Variants in ANKRD31 observed in about 807,000 individuals in gnomAD.
ANKRD31 encodes ankyrin repeat domain-containing protein 31.
In ANKRD31, 147 loss-of-function variants were observed where a neutral mutation model predicts 186.0. The ratio of observed to expected loss-of-function variants is 0.79; its 90% confidence interval spans 0.69 to 0.91. The LOEUF (loss-of-function observed/expected upper bound fraction) is 0.91. Ranked by LOEUF, ANKRD31 falls within the 40% of genes least tolerant of loss-of-function variation. The probability of loss-of-function intolerance (pLI) is 0.00; values close to 1 mark genes in which losing one functional copy is unlikely to be tolerated. For missense variants in ANKRD31, 1,986 were observed against 2,148.8 expected (o/e 0.92, Z 1.50); for synonymous variants, 673 against 736.4 (o/e 0.91, Z 1.39).
In ANKRD31 at chr5:75,068,496, T is replaced by C. The variant is rs942775981; in HGVS notation, c.*23A>G. ...GTTGGTAATTTGAACAAATATCCAA[T>C]AAAATATTAAGAAACCAAGGTTTTA... On this transcript the variant is annotated 3_prime_UTR_variant, in exon 26 of 26. Coordinates refer to ENST00000506364, the MANE Select transcript of ANKRD31 (RefSeq NM_001372053.1). 10 of 1,450,880 alleles carry C rather than the reference T, an allele frequency of 6.9e-6. No individual in the cohort carries two copies. The highest frequency in any genetic ancestry group is 9.0e-7 in the Non-Finnish European group (1 of 1,107,474). The allele number at this position is 1,450,880 out of a possible 1,614,324, so 89.9% of individuals were successfully genotyped here. A position where few individuals can be genotyped will look rare whatever the true frequency, so the allele number is the denominator to read the frequency against.
intron 1 of ANKRD31, among the ~76,000 whole-genome samples, 179 bp downstream of exon 1, chr5:75,236,404 A>C (rs1758276847): frequency 6.6e-6 from 1 of 152,236 alleles, no homozygotes; most frequent in South Asian, 2.1e-4. Flanking sequence ...AGGTGGGAAC[A>C]GACTGTGTTT....
chr5:75,106,226 C>T (rs1212876577), intron 21 of ANKRD31, among the ~76,000 whole-genome samples: 1 of 152,064 alleles, frequency 6.6e-6, no homozygotes, highest in Non-Finnish European at 1.5e-5. Flanking sequence ...TAACATCTTA[C>T]TATTATTATT....
At chr5:75,074,585 T>A (rs551117984) in intron 25 of ANKRD31, among the ~76,000 whole-genome samples, 1 of 152,314 alleles carries the variant, frequency 6.6e-6, no homozygotes, top group Admixed American at 6.5e-5. Flanking sequence ...AATCCCCAAC[T>A]GAGCCAAATA....
intron 10 of ANKRD31, among the ~76,000 whole-genome samples, chr5:75,186,563 A>AAAAAAAAT (rs1754726474): frequency 6.6e-6 from 1 of 152,210 alleles, no homozygotes; most frequent in Non-Finnish European, 1.5e-5. Flanking sequence ...AGTTCTGCAT[A>AAAAAAAAT]AAATAAAGCT....
intron 23 of ANKRD31, among the ~76,000 whole-genome samples, chr5:75,088,203 T>G (rs1414762408): frequency 1.3e-5 from 2 of 152,242 alleles, no homozygotes; most frequent in South Asian, 2.1e-4. Context: ...ATATTCCTAA[T>G]CATGATGGTG....
At chr5:75,188,753 T>A in intron 9 of ANKRD31, 105 bp from the exon 10 acceptor site, 1 of 926,290 alleles carries the variant, frequency 1.1e-6, no homozygotes, top group Non-Finnish European at 1.6e-6. Context: ...CGAACATAGG[T>A]AACAGGATTA....
At chr5:75,162,182 A>G (rs11950291) in intron 11 of ANKRD31, among the ~76,000 whole-genome samples, 8,103 of 152,322 alleles carry the variant, frequency 0.053, 480 homozygotes, top group African/African-American at 0.14. Context: ...CCATGAAGGC[A>G]GCCAGGACAG....
chr5:75,230,499 G>T, intron 2 of ANKRD31, 63 bp downstream of exon 2: 2 of 1,269,216 alleles, frequency 1.6e-6, no homozygotes, highest in South Asian at 2.8e-5. Flanking sequence ...ACCTATCAAT[G>T]ACATTAAATG....
At chr5:75,119,443 G>C (rs1015983043) in intron 17 of ANKRD31, among the ~76,000 whole-genome samples, 2 of 152,152 alleles carry the variant, frequency 1.3e-5, no homozygotes, top group Non-Finnish European at 2.9e-5. Flanking sequence ...TTTTGTTTAT[G>C]GCTGCATAGT....
chr5:75,161,138 G>C lies in ANKRD31; in HGVS notation c.1708-6793C>G, dbSNP rs549274676. Among the ~76,000 whole-genome samples the C allele has an allele frequency of 2.6e-5, 4 of 152,266 alleles. No homozygotes were observed. In the South Asian group the frequency reaches 8.3e-4, roughly 32 times the overall value. On this transcript the variant is annotated intron_variant, in intron 11 of 25. Transcript: ENST00000506364. ...CAGGCAGAGGGTGGTACAGTTCGGA[G>C]GGCTCAGAAGAAGACAGAAAAAGGT...
intron 7 of ANKRD31, among the ~76,000 whole-genome samples, chr5:75,195,297 C>A (rs1458134056): frequency 6.6e-6 from 1 of 152,098 alleles, no homozygotes; most frequent in South Asian, 2.1e-4. Context: ...GTAAAGAATT[C>A]TTTCCTTCCT....
chr5:75,233,417 T>C (rs999186886), intron 1 of ANKRD31, among the ~76,000 whole-genome samples: 2 of 152,148 alleles, frequency 1.3e-5, no homozygotes, highest in African/African-American at 4.8e-5. Flanking sequence ...CTGTGTCCCA[T>C]AAAACTTATT....
chr5:75,097,247 G>A (rs1277798137), intron 22 of ANKRD31, among the ~76,000 whole-genome samples: 2 of 152,252 alleles, frequency 1.3e-5, no homozygotes, highest in South Asian at 2.1e-4. Context: ...TGTCTTCCAC[G>A]ATGGTTGAAC....
At chr5:75,157,700 A>G (rs1429388006) in intron 11 of ANKRD31, among the ~76,000 whole-genome samples, 1 of 152,192 alleles carries the variant, frequency 6.6e-6, no homozygotes. Context: ...GTCTAGTGGC[A>G]TGAATCCCTG....
chr5:75,224,161 G>GTATATATATATA (rs1166396416), intron 2 of ANKRD31, among the ~76,000 whole-genome samples: 1 of 36,126 alleles, frequency 2.8e-5, no homozygotes, highest in Non-Finnish European at 5.1e-5. Context: ...ATATATATAT[G>GTATATATATATA]TATATATATA....
At chr5:75,231,906 A>AACACACACAC (rs56755264) in intron 1 of ANKRD31, among the ~76,000 whole-genome samples, 1,556 of 144,684 alleles carry the variant, frequency 0.011, 19 homozygotes, top group Middle Eastern at 0.031. Context: ...ACTGTCTCAA[A>AACACACACAC]ACACACACAC....
rs184060530 is a variant in ANKRD31, at chr5:75,180,630, G to T, written c.1564+7863C>A. On this transcript the variant is annotated intron_variant, in intron 10 of 25. Transcript: ENST00000506364. ...ACAAACCTGACAAAAATAAGAAATG[G>T]GGAAAGGATTCCCTATTTAATAAAT... 7.0e-3 allele frequency among the ~76,000 whole-genome samples: 1,063 copies of T among 152,200 alleles called. 9 individuals are homozygous for T. The highest frequency in any genetic ancestry group is 0.024 in the African/African-American group (1,012 of 41,512).
At chr5:75,183,719 C>T (rs1337142836) in intron 10 of ANKRD31, among the ~76,000 whole-genome samples, 2 of 151,788 alleles carry the variant, frequency 1.3e-5, no homozygotes, top group Non-Finnish European at 2.9e-5. Context: ...TGAAAGATCT[C>T]CACACTGAAA....
At position 75,112,717 on chromosome 5, in the gene ANKRD31, T is replaced by C. The variant is rs1466192674; in HGVS notation, c.4156-117A>G. On this transcript the variant is annotated intron_variant, in intron 19 of 25. Coordinates refer to ENST00000506364, the MANE Select transcript of ANKRD31 (RefSeq NM_001372053.1). ...AAGAAAGTGTTCCTAAAAATGCTCA[T>C]TCCTCTTTATGCTCAAAATGTACTC... The C allele has an allele frequency of 2.1e-5, 12 of 583,184 alleles. 1 individual carries two copies. The highest frequency in any genetic ancestry group is 4.8e-4 in the Middle Eastern group (1 of 2,080). The allele number at this position is 583,184 out of a possible 1,614,324, so 36.1% of individuals were successfully genotyped here. A position where few individuals can be genotyped will look rare whatever the true frequency, so the allele number is the denominator to read the frequency against.
Sources: allele counts gnomAD v4.1 joint callset (sites outside exome capture counted in the v4.1 genomes callset), GRCh38; gene constraint gnomAD v4.1.1; transcripts MANE v1.5; gene names NCBI Gene and HGNC (gene_info 2026-07-23, HGNC 2026-07-21).